The following CNTNAP4 variants were observed in gnomAD, a reference collection of about 807,000 sequenced individuals.
The protein encoded by CNTNAP4 is contactin associated protein family member 4.
In CNTNAP4, 98 loss-of-function variants were observed where a neutral mutation model predicts 148.4. The ratio of observed to expected loss-of-function variants is 0.66; its 90% CI spans 0.56 to 0.78. The LOEUF is 0.78. Among genes scored for constraint, CNTNAP4 ranks in the 30% least tolerant of loss-of-function variants. The pLI is 0.00. For missense variants in CNTNAP4, 1,935 were observed against 1,565.6 expected, an observed-to-expected ratio of 1.24 and a Z score of -3.98; for synonymous variants, 730 against 565.1, an observed-to-expected ratio of 1.29 and a Z score of -4.14.
rs201369551 is a variant in CNTNAP4, at chr16:76,461,921, T to C, written c.1334-35T>C. ...AACCAACTCCTTATAGTGTTCACTATTGAGAGCGATCTCTAACTGATTTCA... is the reference window on the plus strand; with the variant it reads ...AACCAACTCCTTATAGTGTTCACTACTGAGAGCGATCTCTAACTGATTTCA... On this transcript the variant is annotated intron_variant, in intron 8 of 23. Transcript: ENST00000611870. 1,700 of 1,605,820 alleles carry C rather than the reference T, an allele frequency of 1.1e-3. 2 individuals carry two copies. The highest frequency in any genetic ancestry group is 3.9e-3 in the Admixed American group (235 of 59,964).
In CNTNAP4 at chr16:76,422,127, C is replaced by T. The variant is rs563660767; in HGVS notation, c.391-5325C>T. Among the ~76,000 whole-genome samples, 379 of 152,218 alleles carry T rather than the reference C, an allele frequency of 2.5e-3. 1 individual carries two copies. Among genetic ancestry groups the T allele is most frequent in the Middle Eastern group, 0.017 (5 of 294 alleles). ...TTAATTCATTAACTCCATAAATTTT[C>T]TTGGTTAAAATACATTCCTAAATTG... On this transcript the variant is annotated intron_variant, in intron 3 of 23. Coordinates refer to ENST00000611870, the MANE Select transcript of CNTNAP4 (RefSeq NM_033401.5).
chr16:76,435,322 C>A (rs941560155), intron 4 of CNTNAP4, among the ~76,000 whole-genome samples: 21 of 152,130 alleles, frequency 1.4e-4, no homozygotes, highest in African/African-American at 5.1e-4. Context: ...TCTAGGAACA[C>A]TGTGATTAAT....
At chr16:76,481,900 G>T (rs1423950063) in intron 12 of CNTNAP4, among the ~76,000 whole-genome samples, 1 of 152,084 alleles carries the variant, frequency 6.6e-6, no homozygotes, top group Admixed American at 6.5e-5. Context: ...AGAGGAGAGA[G>T]GCAAGTTGGG....
At chr16:76,458,781 G>T (rs1361826599) in intron 8 of CNTNAP4, among the ~76,000 whole-genome samples, 3 of 152,116 alleles carry the variant, frequency 2.0e-5, no homozygotes, top group African/African-American at 7.2e-5. Context: ...ATGGCCCTGG[G>T]GATTGGGGAC....
intron 2 of CNTNAP4, among the ~76,000 whole-genome samples, chr16:76,354,843 C>A (rs537910641): frequency 6.6e-6 from 1 of 152,278 alleles, no homozygotes; most frequent in South Asian, 2.1e-4. Flanking sequence ...TTTGTTTTCC[C>A]AGACTTAACA....
chr16:76,513,742 C>G (rs1045344067), intron 15 of CNTNAP4, among the ~76,000 whole-genome samples: 9 of 152,076 alleles, frequency 5.9e-5, no homozygotes, highest in Non-Finnish European at 1.2e-4. Context: ...TTATTAAGAA[C>G]CCTTCTACTT....
chr16:76,501,376 A>G (rs2082637065), intron 15 of CNTNAP4, among the ~76,000 whole-genome samples: 1 of 151,996 alleles, frequency 6.6e-6, no homozygotes, highest in Admixed American at 6.5e-5. Context: ...TGCCTTCCTT[A>G]TTTCATTAGC....
Position 76,535,538 on chromosome 16 carries a change from C to T in CNTNAP4, c.2756-7C>T. The T allele has an allele frequency of 6.2e-7, 1 of 1,611,602 alleles. No individual in the cohort carries two copies. The highest frequency in any genetic ancestry group is 1.1e-5 in the South Asian group (1 of 90,968). ...ACATGTTTCCATTTGCAGTATTTCCCTTTTAGGTGGAACGGCCACCAGACA... is the reference window on the plus strand; with the variant it reads ...ACATGTTTCCATTTGCAGTATTTCCTTTTTAGGTGGAACGGCCACCAGACA... On this transcript the variant is annotated splice_polypyrimidine_tract_variant and splice_region_variant and intron_variant, in intron 17 of 23. Coordinates refer to ENST00000611870, the MANE Select transcript of CNTNAP4 (RefSeq NM_033401.5).
chr16:76,306,298 G>T (rs1238492840), intron 1 of CNTNAP4, among the ~76,000 whole-genome samples: 1 of 152,122 alleles, frequency 6.6e-6, no homozygotes, highest in Non-Finnish European at 1.5e-5. Context: ...TTTCGAAGCA[G>T]TTAGTTGGTT....
At chr16:76,465,114 C>G (rs2081129349) in intron 9 of CNTNAP4, among the ~76,000 whole-genome samples, 1 of 152,198 alleles carries the variant, frequency 6.6e-6, no homozygotes, top group Non-Finnish European at 1.5e-5. Context: ...CATCTCACTT[C>G]TGCTGCAGTG....
intron 4 of CNTNAP4, among the ~76,000 whole-genome samples, chr16:76,428,642 G>T (rs535282933): frequency 6.6e-6 from 1 of 152,034 alleles, no homozygotes; most frequent in Admixed American, 6.6e-5. Context: ...CCTGTATTTT[G>T]TGATGTTTTC....
intron 8 of CNTNAP4, among the ~76,000 whole-genome samples, chr16:76,455,266 G>A (rs2080681797): frequency 6.6e-6 from 1 of 152,160 alleles, no homozygotes; most frequent in Non-Finnish European, 1.5e-5. Context: ...TGAGATTTCT[G>A]CTATGATTTT....
intron 3 of CNTNAP4, among the ~76,000 whole-genome samples, chr16:76,394,523 T>A (rs2078131946): frequency 6.6e-6 from 1 of 152,206 alleles, no homozygotes; most frequent in Non-Finnish European, 1.5e-5. Context: ...ATTTCCTAAT[T>A]TTCACTAATT....
intron 14 of CNTNAP4, among the ~76,000 whole-genome samples, chr16:76,496,132 T>G (rs1263912324): frequency 6.6e-6 from 1 of 151,136 alleles, no homozygotes; most frequent in African/African-American, 2.4e-5. Flanking sequence ...AGAATTGCAC[T>G]TACTTTTAGT....
chr16:76,312,510 ACT>A (rs1414309703), intron 1 of CNTNAP4, among the ~76,000 whole-genome samples: 5 of 152,156 alleles, frequency 3.3e-5, no homozygotes, highest in Non-Finnish European at 5.9e-5. Flanking sequence ...TTTACTCCAC[ACT>A]GATTATTACT....
intron 10 of CNTNAP4, among the ~76,000 whole-genome samples, chr16:76,470,580 A>G (rs191311887): frequency 1.3e-5 from 2 of 149,750 alleles, no homozygotes; most frequent in Admixed American, 1.3e-4. Flanking sequence ...AACCCGGGAG[A>G]CGAAGGTTGC....
At chr16:76,334,167 A>T (rs1342169049) in intron 2 of CNTNAP4, among the ~76,000 whole-genome samples, 1 of 137,178 alleles carries the variant, frequency 7.3e-6, no homozygotes. Flanking sequence ...TGTACCCTAA[A>T]ACTTAAAGTA....
At chr16:76,295,433 A>G (rs1423939244) in intron 1 of CNTNAP4, among the ~76,000 whole-genome samples, 1 of 152,162 alleles carries the variant, frequency 6.6e-6, no homozygotes, top group Non-Finnish European at 1.5e-5. Flanking sequence ...TGTGACACTG[A>G]TTAGATTTGC....
At chr16:76,521,111 T>G (rs749274069) in intron 15 of CNTNAP4, 29 bp from the exon 16 acceptor site, 3 of 1,421,752 alleles carry the variant, frequency 2.1e-6, no homozygotes, top group Non-Finnish European at 2.7e-6. Context: ...TTTCTGAATT[T>G]TTTTTTCTTT....
Sources: allele counts gnomAD v4.1 joint callset (sites outside exome capture counted in the v4.1 genomes callset), GRCh38; gene constraint gnomAD v4.1.1; transcripts MANE v1.5; gene names NCBI Gene and HGNC (gene_info 2026-07-23, HGNC 2026-07-21).